Variants in SYT1 observed in about 807,000 individuals in gnomAD.
SYT1 encodes synaptotagmin-1.
In SYT1, 8 loss-of-function variants were observed where a neutral mutation model predicts 44.8. The ratio of observed to expected loss-of-function variants is 0.18; its 90% confidence interval spans 0.10 to 0.32. The LOEUF (loss-of-function observed/expected upper bound fraction) is 0.32. Among genes scored for constraint, SYT1 ranks in the 10% least tolerant of loss-of-function variants. The pLI is 1.00. For synonymous variants in SYT1, 154 were observed against 188.8 expected (o/e 0.82, Z 1.51); for missense variants, 286 against 509.3 (o/e 0.56, Z 4.22).
chr12:79,403,674 C>T (rs1327250169), intron 9 of SYT1, among the ~76,000 whole-genome samples: 1 of 152,086 alleles, frequency 6.6e-6, no homozygotes, highest in Non-Finnish European at 1.5e-5. Context: ...GAGACAGAGA[C>T]AGAGACATGG....
At chr12:79,206,983 T>G (rs957022615) in intron 3 of SYT1, among the ~76,000 whole-genome samples, 3 of 152,212 alleles carry the variant, frequency 2.0e-5, no homozygotes, top group Non-Finnish European at 4.4e-5. Context: ...ACTTATTAAC[T>G]CTGTGACAAT....
At chr12:79,074,308 T>C (rs1038719111) in intron 3 of SYT1, among the ~76,000 whole-genome samples, 5 of 152,154 alleles carry the variant, frequency 3.3e-5, no homozygotes, top group East Asian at 1.9e-4. Flanking sequence ...GTGGTCTACA[T>C]GGCCCCAACA....
At chr12:79,201,161 G>A (rs556861055) in intron 3 of SYT1, among the ~76,000 whole-genome samples, 55 of 152,210 alleles carry the variant, frequency 3.6e-4, no homozygotes, top group African/African-American at 1.3e-3. Flanking sequence ...AGGCAAGGGT[G>A]ATTTCCCCAT....
chr12:78,879,769 T>C (rs962887287), intron 1 of SYT1, among the ~76,000 whole-genome samples: 8 of 151,880 alleles, frequency 5.3e-5, no homozygotes, highest in African/African-American at 1.9e-4. Context: ...CCATGCATTA[T>C]CTGGCCCTAC....
chr12:78,978,686 T>C (rs1295905352), intron 2 of SYT1, among the ~76,000 whole-genome samples: 1 of 152,202 alleles, frequency 6.6e-6, no homozygotes, highest in African/African-American at 2.4e-5. Context: ...TGATCTTTAT[T>C]TGGAGTCCCA....
At chr12:79,429,309 C>A (rs566814992) in intron 9 of SYT1, among the ~76,000 whole-genome samples, 2 of 151,984 alleles carry the variant, frequency 1.3e-5, no homozygotes, top group African/African-American at 2.4e-5. Context: ...TAGGTTCAAG[C>A]GATTCTCCTG....
chr12:78,903,462 A>G (rs1297757891), intron 1 of SYT1, among the ~76,000 whole-genome samples: 2 of 151,496 alleles, frequency 1.3e-5, no homozygotes, highest in Admixed American at 1.3e-4. Flanking sequence ...AATTTTTGTA[A>G]TTTTAGTAGA....
intron 3 of SYT1, among the ~76,000 whole-genome samples, chr12:79,195,891 ATC>A (rs1873422909): frequency 6.6e-6 from 1 of 152,208 alleles, no homozygotes; most frequent in South Asian, 2.1e-4. Context: ...CAACTACTGT[ATC>A]TATGGATTTC....
intron 3 of SYT1, among the ~76,000 whole-genome samples, chr12:79,206,957 G>A (rs1874163997): frequency 1.3e-5 from 2 of 152,212 alleles, no homozygotes; most frequent in South Asian, 4.1e-4. Flanking sequence ...AGCCATACTG[G>A]AATCCTGGCT....
chr12:79,068,831 T>C (rs1454859831), intron 3 of SYT1, among the ~76,000 whole-genome samples: 1 of 152,088 alleles, frequency 6.6e-6, no homozygotes. Flanking sequence ...CTGGACAACA[T>C]CATGAGATCC....
rs377419249 is a variant in SYT1 at position 78,978,510 on chromosome 12, G to T, written c.-84+579G>T. Reference sequence around the variant, plus strand: ...TACATATGTTAGAGTACATAATTTGGGTTGTAAAGTATCTGTTTGTCTTAA... The same window carrying T: ...TACATATGTTAGAGTACATAATTTGTGTTGTAAAGTATCTGTTTGTCTTAA... On this transcript the variant is annotated intron_variant, in intron 2 of 10. Transcript: ENST00000261205. Among the ~76,000 whole-genome samples, 136 of 152,204 alleles carry T rather than the reference G, an allele frequency of 8.9e-4. 6 individuals carry two copies. The South Asian group carries it at 0.027, about 30-fold the overall frequency.
At chr12:79,418,464 A>G (rs1412947849) in intron 9 of SYT1, among the ~76,000 whole-genome samples, 1 of 152,176 alleles carries the variant, frequency 6.6e-6, no homozygotes, top group Admixed American at 6.6e-5. Context: ...ATGTAAGTCA[A>G]GAGGCTGGCC....
intron 9 of SYT1, among the ~76,000 whole-genome samples, chr12:79,432,176 G>A (rs574999813): frequency 6.7e-6 from 1 of 150,176 alleles, no homozygotes; most frequent in Admixed American, 6.6e-5. Context: ...TTTCAAACCA[G>A]ATATTATAGA....
intron 1 of SYT1, among the ~76,000 whole-genome samples, chr12:78,975,313 G>C (rs1379651766): frequency 6.6e-6 from 1 of 152,110 alleles, no homozygotes; most frequent in African/African-American, 2.4e-5. Context: ...TCCTCAGATT[G>C]CAAGTTCTGC....
chr12:79,116,923 G>T (rs1052276445), intron 3 of SYT1, among the ~76,000 whole-genome samples: 1 of 152,106 alleles, frequency 6.6e-6, no homozygotes, highest in Non-Finnish European at 1.5e-5. Flanking sequence ...GATTCTATCT[G>T]GGCTCCTCTG....
chr12:78,923,800 T>G (rs1263592028), intron 1 of SYT1, among the ~76,000 whole-genome samples: 1 of 151,756 alleles, frequency 6.6e-6, no homozygotes, highest in African/African-American at 2.4e-5. Flanking sequence ...TTCTTTTAGG[T>G]GCATATTTTC....
intron 3 of SYT1, among the ~76,000 whole-genome samples, chr12:79,109,324 G>A (rs1341937603): frequency 6.6e-6 from 1 of 152,182 alleles, no homozygotes; most frequent in Non-Finnish European, 1.5e-5. Context: ...CATTAGCCCA[G>A]TTAATCATCA....
At chr12:79,258,549 A>G (rs957548619) in intron 4 of SYT1, among the ~76,000 whole-genome samples, 2 of 152,210 alleles carry the variant, frequency 1.3e-5, no homozygotes, top group African/African-American at 4.8e-5. Flanking sequence ...GGTGATTTTG[A>G]CTCTAAAGCA....
At chr12:78,925,147 C>T (rs963094842) in intron 1 of SYT1, among the ~76,000 whole-genome samples, 13 of 151,998 alleles carry the variant, frequency 8.6e-5, no homozygotes, top group South Asian at 8.3e-4. Flanking sequence ...TTCAAACTGA[C>T]GCCTCCAAAA....
Sources: gnomAD v4.1 joint callset for allele counts (sites outside exome capture counted in the v4.1 genomes callset) on GRCh38, gnomAD v4.1.1 for gene constraint, MANE v1.5 for transcripts, NCBI Gene and HGNC (gene_info 2026-07-23, HGNC 2026-07-21) for gene names.